CALHM4: variants seen among roughly 807,000 people sequenced by gnomAD.
The protein encoded by CALHM4 is calcium homeostasis modulator family member 4.
A neutral mutation model predicts 13.3 loss-of-function variants in CALHM4; 16 were observed. The observed-to-expected ratio is 1.20, with a 90% CI of 0.81 to 1.82. CALHM4 has a LOEUF of 1.82. CALHM4 is among the 40% of genes most tolerant of loss of function. The probability of loss-of-function intolerance (pLI) is 0.00; values close to 1 mark genes in which losing one functional copy is unlikely to be tolerated. For synonymous variants in CALHM4, 127 were observed against 137.1 expected (o/e 0.93, Z 0.52); for missense variants, 344 against 374.9 (o/e 0.92, Z 0.68).
At chr6:116,533,873 T>C (rs1772904425) in intron 1 of CALHM4, among the ~76,000 whole-genome samples, 1 of 152,202 alleles carries the variant, frequency 6.6e-6, no homozygotes, top group African/African-American at 2.4e-5. Context: ...ATAGTTTTCT[T>C]ACTGTCCCCA....
At chr6:116,540,373 A>G (rs1458926115) in intron 1 of CALHM4, 2 of 1,551,016 alleles carry the variant, frequency 1.3e-6, no homozygotes, top group Admixed American at 2.0e-5. Context: ...CTGGGCAATT[A>G]TGTCTATAAT....
At chr6:116,529,311 T>G (rs993109987) in intron 1 of CALHM4, 7 of 152,226 alleles carry the variant, frequency 4.6e-5, no homozygotes, top group African/African-American at 1.7e-4. Flanking sequence ...AACAGCTAAT[T>G]TCTCAAATAT....
At chr6:116,555,939 A>G (rs752547025) in intron 1 of CALHM4, among the ~76,000 whole-genome samples, 9 of 152,210 alleles carry the variant, frequency 5.9e-5, no homozygotes, top group Non-Finnish European at 1.3e-4. Flanking sequence ...TACTGCATAT[A>G]AAGCCCTTCA....
At chr6:116,540,043 T>C (rs769929831) in intron 1 of CALHM4, among the ~76,000 whole-genome samples, 6 of 152,120 alleles carry the variant, frequency 3.9e-5, no homozygotes, top group Non-Finnish European at 8.8e-5. Context: ...GTAAAGAAAC[T>C]GGTTTGGGGC....
At chr6:116,540,907 G>A (rs1773409377) in intron 1 of CALHM4, among the ~76,000 whole-genome samples, 1 of 152,120 alleles carries the variant, frequency 6.6e-6, no homozygotes, top group Admixed American at 6.6e-5. Context: ...AGAAGGGCAG[G>A]CATTTCCAGG....
At chr6:116,530,712 CTTTA>C (rs542183385) in intron 1 of CALHM4, among the ~76,000 whole-genome samples, 121 of 151,926 alleles carry the variant, frequency 8.0e-4, no homozygotes, top group Middle Eastern at 3.4e-3. Context: ...TGTTTGCTTT[CTTTA>C]TTATTATCTG....
rs1774458820 is a variant in CALHM4, at chr6:116,558,767, C to A, written c.*556C>A. 6.6e-6 allele frequency: 1 copy of A among 152,318 alleles called. No homozygotes were observed. Among genetic ancestry groups the A allele is most frequent in the Non-Finnish European group, 1.5e-5 (1 of 68,176 alleles). The allele number at this position is 152,318 out of a possible 1,614,324, so 9.4% of individuals were successfully genotyped here. ...TCTTTCTTCAGACCTAAATATCTGACCTTTTGGGAAGCAGGACAGAAACCT... is the reference window on the plus strand; with the variant it reads ...TCTTTCTTCAGACCTAAATATCTGAACTTTTGGGAAGCAGGACAGAAACCT... On this transcript the variant is annotated 3_prime_UTR_variant, in exon 2 of 2. Coordinates refer to ENST00000368596, the MANE Select transcript of CALHM4 (RefSeq NM_001366078.2).
intron 1 of CALHM4, among the ~76,000 whole-genome samples, chr6:116,555,784 T>C (rs1774289170): frequency 6.6e-6 from 1 of 152,194 alleles, no homozygotes; most frequent in Admixed American, 6.5e-5. Context: ...GACCACAAAA[T>C]CACCTTGAAT....
chr6:116,530,333 A>T (rs1772622436), intron 1 of CALHM4, among the ~76,000 whole-genome samples: 1 of 152,210 alleles, frequency 6.6e-6, no homozygotes, highest in South Asian at 2.1e-4. Flanking sequence ...CACATTAAAA[A>T]TCAGATTGTC....
At chr6:116,545,608 G>GT (rs1294544379) in intron 2 of CALHM4, 1 of 1,168,992 alleles carries the variant, frequency 8.6e-7, no homozygotes, top group South Asian at 1.5e-5. Context: ...TTTTGTTTTT[G>GT]TAAGCTCTTC....
chr6:116,531,281 G>A (rs1372435089), intron 1 of CALHM4, among the ~76,000 whole-genome samples: 1 of 152,150 alleles, frequency 6.6e-6, no homozygotes. Flanking sequence ...CAGTTTGGGT[G>A]ATTGGGCAGA....
At chr6:116,539,535 C>T (rs1399853739) in intron 1 of CALHM4, among the ~76,000 whole-genome samples, 1 of 152,158 alleles carries the variant, frequency 6.6e-6, no homozygotes, top group African/African-American at 2.4e-5. Flanking sequence ...GGGATAGTAA[C>T]TCCAATTCTG....
chr6:116,556,532 C>T (rs1055648597), intron 1 of CALHM4, among the ~76,000 whole-genome samples: 5 of 152,156 alleles, frequency 3.3e-5, no homozygotes, highest in Non-Finnish European at 7.4e-5. Context: ...TTTTAGCCTC[C>T]GTAGAGTACA....
At chr6:116,547,542 TCATCATCACA>T (rs897721142) in intron 2 of CALHM4, among the ~76,000 whole-genome samples, 1 of 152,218 alleles carries the variant, frequency 6.6e-6, no homozygotes, top group African/African-American at 2.4e-5. Flanking sequence ...ACAGCTGTAC[TCATCATCACA>T]GGGGACACTG....
chr6:116,545,685 GAAA>G, intron 2 of CALHM4: 1 of 453,616 alleles, frequency 2.2e-6, no homozygotes, highest in East Asian at 3.5e-5. Context: ...GCTGAAGAGG[GAAA>G]AAAACCATGA....
chr6:116,550,410 G>T (rs951651665), upstream of CALHM4, among the ~76,000 whole-genome samples: 16 of 152,250 alleles, frequency 1.1e-4, no homozygotes, highest in Middle Eastern at 6.8e-3. Flanking sequence ...ATGGGCAGAA[G>T]TGCCAGGGTA....
chr6:116,552,381 T>A (rs142733936), upstream of CALHM4, among the ~76,000 whole-genome samples: 59 of 152,346 alleles, frequency 3.9e-4, 1 homozygote, highest in East Asian at 0.011. Flanking sequence ...ATTACCAACA[T>A]TCTTCAGATA....
rs747605031 is a variant in CALHM4, at chr6:116,557,972, G to A, written c.706G>A (p.Ala236Thr). ...TGAGAGAGAACTCTTTGAACAAGCA[G>A]CAGAGCAGCACTCTCGGCTCCTCAT... ...QNERELFEQA[A>T]EQHSRLLMMH... is the part of the protein sequence containing the mutation. Residue 236 changes from alanine to threonine, a missense_variant, in exon 2 of 2, where the codon GCA becomes ACA. Coordinates refer to ENST00000368596, the MANE Select transcript of CALHM4 (RefSeq NM_001366078.2). 8.7e-6 allele frequency: 14 copies of A among 1,614,030 alleles called. No homozygotes were observed. The East Asian group carries it at 3.1e-4, about 36-fold the overall frequency.
chr6:116,558,777 A>G lies in CALHM4; in HGVS notation c.*566A>G, dbSNP rs1774459620. The G allele has an allele frequency of 6.6e-6, 1 of 152,386 alleles. No individual in the cohort carries two copies. The highest frequency in any genetic ancestry group is 1.5e-5 in the Non-Finnish European group (1 of 68,202). 9.4% of individuals were successfully genotyped at this position (152,386 alleles called of 1,614,324 possible). A position where few individuals can be genotyped will look rare whatever the true frequency, so the allele number is the denominator to read the frequency against. On this transcript the variant is annotated 3_prime_UTR_variant, in exon 2 of 2. Coordinates refer to ENST00000368596, the MANE Select transcript of CALHM4 (RefSeq NM_001366078.2). Reference sequence around the variant, plus strand: ...GACCTAAATATCTGACCTTTTGGGAAGCAGGACAGAAACCTCTTTCTAATC... The same window carrying G: ...GACCTAAATATCTGACCTTTTGGGAGGCAGGACAGAAACCTCTTTCTAATC...
Sources: allele counts gnomAD v4.1 joint callset (sites outside exome capture counted in the v4.1 genomes callset), GRCh38; gene constraint gnomAD v4.1.1; transcripts MANE v1.5; gene names NCBI Gene and HGNC (gene_info 2026-07-23, HGNC 2026-07-21).